LMO7: variants seen among roughly 807,000 people sequenced by gnomAD.
LMO7 encodes the protein LIM domain 7.
LMO7 carries 120 observed loss-of-function variants against 206.5 expected under a neutral mutation model. That is an observed-to-expected ratio of 0.58 (90% CI 0.50 to 0.68). The LOEUF (loss-of-function observed/expected upper bound fraction) is 0.68, where lower values mean the gene tolerates loss of function less well. Among genes scored for constraint, LMO7 ranks in the 30% least tolerant of loss-of-function variants. LMO7 has a pLI of 0.00. For synonymous variants in LMO7, 706 were observed against 681.5 expected, an observed-to-expected ratio of 1.04 and a Z score of -0.56; for missense variants, 1,959 against 1,957.9, an observed-to-expected ratio of 1.00 and a Z score of -0.01.
At chr13:75,639,312 T>G (rs531859277) in intron 1 of LMO7, among the ~76,000 whole-genome samples, 5 of 152,222 alleles carry the variant, frequency 3.3e-5, no homozygotes, top group African/African-American at 4.8e-5. Flanking sequence ...CTTATATACT[T>G]GAGTATATAT....
rs1206672554 is a variant in LMO7 at position 75,805,640 on chromosome 13, C to T, written c.1076C>T (p.Pro359Leu). ...GTGCGCAAGCTCAGTCCAGTCATGC[C>T]AAACCCAGGGAATGCTTTTGATCAG... is the stretch of plus-strand genomic sequence containing the variant. ...LYVRKLSPVM[P>L]NPGNAFDQFL... Residue 359 changes from proline (P) to leucine (L), a missense_variant, in exon 9 of 31, where the codon CCA becomes CTA. Coordinates refer to ENST00000377534, the MANE Select transcript of LMO7 (RefSeq NM_001306080.2). 1.9e-6 allele frequency: 3 copies of T among 1,614,046 alleles called. No individual in the cohort carries two copies. Among genetic ancestry groups the T allele is most frequent in the East Asian group, 4.5e-5 (2 of 44,884 alleles).
At chr13:75,708,601 C>A (rs1256389639) in intron 1 of LMO7, among the ~76,000 whole-genome samples, 1 of 152,010 alleles carries the variant, frequency 6.6e-6, no homozygotes, top group Non-Finnish European at 1.5e-5. Context: ...AGATGAAGGA[C>A]ATGTTACAAC....
At chr13:75,811,832 AAAT>A (rs1188099825) in intron 11 of LMO7, among the ~76,000 whole-genome samples, 1 of 152,182 alleles carries the variant, frequency 6.6e-6, no homozygotes, top group African/African-American at 2.4e-5. Context: ...GAATATATAG[AAAT>A]AATCTTGTAT....
chr13:75,706,823 ATGTAGT>A (rs1473270344), intron 1 of LMO7, among the ~76,000 whole-genome samples: 4 of 152,162 alleles, frequency 2.6e-5, no homozygotes, highest in Non-Finnish European at 5.9e-5. Flanking sequence ...TTAGAGTCTA[ATGTAGT>A]TGAGTTACTC....
chr13:75,806,907 G>A (rs2055571359), intron 9 of LMO7: 1 of 153,030 alleles, frequency 6.5e-6, no homozygotes, highest in Non-Finnish European at 1.5e-5. Flanking sequence ...GATCACTTGA[G>A]GTCAGGAGTT....
chr13:75,723,204 C>A (rs1048414379), intron 2 of LMO7, among the ~76,000 whole-genome samples: 5 of 134,216 alleles, frequency 3.7e-5, no homozygotes, highest in Non-Finnish European at 8.1e-5. Context: ...AAAAAAAAAC[C>A]CAAAATCATC....
intron 3 of LMO7, among the ~76,000 whole-genome samples, chr13:75,734,364 G>A (rs1206323894): frequency 2.0e-5 from 3 of 152,204 alleles, no homozygotes; most frequent in Non-Finnish European, 4.4e-5. Context: ...TCATTGCAAT[G>A]ATAGGAGTCT....
rs753317190 is a variant in LMO7 at position 75,841,109 on chromosome 13, G to A, written c.3583G>A (p.Glu1195Lys). 6.3e-7 allele frequency: 1 copy of A among 1,597,738 alleles called. No homozygotes were observed. Among genetic ancestry groups the A allele is most frequent in the South Asian group, 1.1e-5 (1 of 90,274 alleles). ...TAATATATGTCATATTTTCTTATAG[G>A]AAAAATATCAACGTGAGCAGGAGAA... The part of the protein sequence containing the change: ...WQKEQDRLLQ[E>K]KYQREQEKLR... Residue 1195 changes from glutamate to lysine, a missense_variant and splice_region_variant, in exon 23 of 31, where the codon GAA becomes AAA. Coordinates refer to ENST00000377534, the MANE Select transcript of LMO7 (RefSeq NM_001306080.2).
At chr13:75,700,245 A>G (rs1200138392) in intron 1 of LMO7, among the ~76,000 whole-genome samples, 1 of 152,236 alleles carries the variant, frequency 6.6e-6, no homozygotes, top group Non-Finnish European at 1.5e-5. Flanking sequence ...TCAGCTTATG[A>G]AGATGATGGG....
intron 15 of LMO7, among the ~76,000 whole-genome samples, chr13:75,832,017 A>G (rs2058713041): frequency 6.6e-6 from 1 of 152,164 alleles, no homozygotes; most frequent in Admixed American, 6.6e-5. Context: ...GCCAAGTTAA[A>G]ATGGAGATTT....
intron 4 of LMO7, among the ~76,000 whole-genome samples, chr13:75,762,070 A>G (rs762466165): frequency 5.9e-5 from 9 of 152,198 alleles, no homozygotes; most frequent in Non-Finnish European, 1.0e-4. Context: ...TACACAGAAC[A>G]GCCCCAAATC....
At chr13:75,656,906 CA>C (rs1209958967) in intron 1 of LMO7, among the ~76,000 whole-genome samples, 1 of 152,170 alleles carries the variant, frequency 6.6e-6, no homozygotes, top group Non-Finnish European at 1.5e-5. Context: ...TCTGTGTCCC[CA>C]CAAAAAGATA....
intron 1 of LMO7, among the ~76,000 whole-genome samples, chr13:75,676,376 C>T (rs562743612): frequency 3.6e-4 from 55 of 152,190 alleles, no homozygotes; most frequent in African/African-American, 1.2e-3. Context: ...TTTCAAAGCT[C>T]GCCCTTCTAT....
At chr13:75,804,653 C>G in intron 8 of LMO7, 112 bp downstream of exon 8, 1 of 1,284,430 alleles carries the variant, frequency 7.8e-7, no homozygotes. Context: ...ATATATTAAG[C>G]TTGACTAGTG....
intron 3 of LMO7, among the ~76,000 whole-genome samples, chr13:75,729,694 C>G: frequency 6.6e-6 from 1 of 151,294 alleles, no homozygotes; most frequent in Non-Finnish European, 1.5e-5. Flanking sequence ...GAGGTCATCC[C>G]TGTCTTCTGC....
At chr13:75,742,363 C>T (rs2046483965) in intron 3 of LMO7, among the ~76,000 whole-genome samples, 1 of 151,994 alleles carries the variant, frequency 6.6e-6, no homozygotes, top group African/African-American at 2.4e-5. Context: ...ACATTCTTCA[C>T]AGAACTGGAA....
chr13:75,746,109 T>C (rs1314311296), intron 3 of LMO7, among the ~76,000 whole-genome samples: 1 of 151,832 alleles, frequency 6.6e-6, no homozygotes, highest in Non-Finnish European at 1.5e-5. Flanking sequence ...GATGGAAGAG[T>C]GTATAGGAGT....
At chr13:75,738,009 G>A (rs1219366799) in intron 3 of LMO7, among the ~76,000 whole-genome samples, 3 of 151,886 alleles carry the variant, frequency 2.0e-5, no homozygotes, top group African/African-American at 7.3e-5. Flanking sequence ...CCAGGTCACT[G>A]GCCAGCCTGT....
intron 1 of LMO7, among the ~76,000 whole-genome samples, chr13:75,668,105 G>A (rs2039232482): frequency 6.6e-6 from 1 of 152,196 alleles, no homozygotes; most frequent in Non-Finnish European, 1.5e-5. Context: ...CTACTTGGGA[G>A]GCTGAGGCAC....
Sources: allele counts gnomAD v4.1 joint callset (sites outside exome capture counted in the v4.1 genomes callset), GRCh38; gene constraint gnomAD v4.1.1; transcripts MANE v1.5; gene names NCBI Gene and HGNC (gene_info 2026-07-23, HGNC 2026-07-21).